Variants in CTNNA3 observed in about 807,000 individuals in gnomAD.
CTNNA3 encodes catenin alpha 3, also known as catenin alpha-3.
Under a neutral mutation model 95.7 loss-of-function variants are expected in CTNNA3, and 76 were observed. The ratio of observed to expected loss-of-function variants is 0.79; its 90% CI spans 0.66 to 0.96. CTNNA3 has a LOEUF of 0.96. CTNNA3 is among the 40% of genes least tolerant of loss of function. The pLI is 0.00. For missense variants in CTNNA3, 1,191 were observed against 1,089.8 expected (o/e 1.09, Z -1.31); for synonymous variants, 431 against 374.4 (o/e 1.15, Z -1.74).
At chr10:67,677,046 C>T (rs1840548597) in intron 1 of CTNNA3, among the ~76,000 whole-genome samples, 1 of 152,132 alleles carries the variant, frequency 6.6e-6, no homozygotes, top group Non-Finnish European at 1.5e-5. Context: ...TCCAGGTTTT[C>T]AGTCTTCTCC....
intron 1 of CTNNA3, among the ~76,000 whole-genome samples, chr10:67,654,138 A>G (rs1300063390): frequency 1.3e-5 from 2 of 152,220 alleles, no homozygotes; most frequent in Non-Finnish European, 2.9e-5. Flanking sequence ...TCAGGGACAC[A>G]GAGGTGAGCT....
At chr10:65,938,595 G>A (rs2133168832) in intron 17 of CTNNA3, among the ~76,000 whole-genome samples, 1 of 152,188 alleles carries the variant, frequency 6.6e-6, no homozygotes, top group African/African-American at 2.4e-5. Context: ...GTTCTTCCTG[G>A]ATCCCAGCCC....
chr10:65,923,988 C>T (rs1185639072), intron 17 of CTNNA3, among the ~76,000 whole-genome samples: 1 of 152,036 alleles, frequency 6.6e-6, no homozygotes, highest in African/African-American at 2.4e-5. Context: ...TAATCACAAA[C>T]AATGCCAATT....
At chr10:67,351,548 A>C (rs1338253756) in intron 5 of CTNNA3, among the ~76,000 whole-genome samples, 1 of 152,050 alleles carries the variant, frequency 6.6e-6, no homozygotes, top group Non-Finnish European at 1.5e-5. Context: ...TACAAGGCAT[A>C]AAACATGCCT....
At chr10:66,170,727 CAAA>C (rs34828048) in intron 13 of CTNNA3, among the ~76,000 whole-genome samples, 10 of 137,324 alleles carry the variant, frequency 7.3e-5, no homozygotes, top group Admixed American at 7.4e-5. Context: ...AATGTTTACC[CAAA>C]AAAAAAAAAA....
intron 13 of CTNNA3, among the ~76,000 whole-genome samples, chr10:66,157,654 T>C (rs1490208419): frequency 6.6e-6 from 1 of 152,026 alleles, no homozygotes; most frequent in African/African-American, 2.4e-5. Context: ...CTTTTTCGAA[T>C]AATGATTTCT....
intron 1 of CTNNA3, among the ~76,000 whole-genome samples, chr10:67,723,288 C>G (rs1342918548): frequency 1.4e-5 from 2 of 140,990 alleles, no homozygotes; most frequent in Non-Finnish European, 3.1e-5. Flanking sequence ...CACCTGGCCT[C>G]TTTTTTTTTT....
chr10:66,418,561 A>G (rs1230277075), intron 11 of CTNNA3, among the ~76,000 whole-genome samples: 2 of 150,222 alleles, frequency 1.3e-5, no homozygotes, highest in Admixed American at 6.6e-5. Flanking sequence ...ACAGGGACAC[A>G]CACACACACA....
At chr10:67,139,299 A>ATTTTT (rs60290459) in intron 7 of CTNNA3, among the ~76,000 whole-genome samples, 20 of 117,894 alleles carry the variant, frequency 1.7e-4, no homozygotes, top group South Asian at 2.9e-4. Context: ...CGCCCGGCTA[A>ATTTTT]TTTTTTTTTT....
chr10:66,024,280 G>A (rs553994025), intron 15 of CTNNA3, among the ~76,000 whole-genome samples: 2 of 151,894 alleles, frequency 1.3e-5, no homozygotes, highest in South Asian at 4.2e-4. Context: ...TAGTAGAGAC[G>A]GGGTTTCACC....
At chr10:66,690,748 G>A (rs1453209688) in intron 9 of CTNNA3, among the ~76,000 whole-genome samples, 3 of 151,888 alleles carry the variant, frequency 2.0e-5, no homozygotes, top group Non-Finnish European at 4.4e-5. Context: ...TTGGTTCCAA[G>A]TCTTTGCTAT....
chr10:67,573,718 C>T (rs80352091), intron 3 of CTNNA3, among the ~76,000 whole-genome samples: 3,788 of 151,740 alleles, frequency 0.025, 179 homozygotes, highest in African/African-American at 0.086. Flanking sequence ...CTCTCCCTCC[C>T]TCCCTTCCTC....
intron 15 of CTNNA3, among the ~76,000 whole-genome samples, chr10:66,052,259 T>G (rs969409360): frequency 1.3e-5 from 2 of 152,164 alleles, no homozygotes; most frequent in Non-Finnish European, 2.9e-5. Context: ...AGTGAAATCA[T>G]GCAGAAAGGA....
At chr10:65,973,726 G>A (rs893046195) in intron 16 of CTNNA3, among the ~76,000 whole-genome samples, 3 of 152,072 alleles carry the variant, frequency 2.0e-5, no homozygotes, top group African/African-American at 4.8e-5. Flanking sequence ...GGTGCACGAC[G>A]TGGGGAGAAC....
chr10:67,190,581 C>T (rs1904654), intron 6 of CTNNA3, among the ~76,000 whole-genome samples: 55,615 of 151,678 alleles, frequency 0.37, 14,592 homozygotes, highest in African/African-American at 0.75. Context: ...ATGGACCAAA[C>T]GTTTATTACT....
intron 7 of CTNNA3, among the ~76,000 whole-genome samples, chr10:66,959,743 C>T (rs1313532841): frequency 6.6e-6 from 1 of 152,152 alleles, no homozygotes; most frequent in Non-Finnish European, 1.5e-5. Flanking sequence ...TTTCTTAGCA[C>T]ACCTTTCTTT....
At chr10:66,543,639 A>C (rs961167150) in intron 10 of CTNNA3, among the ~76,000 whole-genome samples, 24 of 151,750 alleles carry the variant, frequency 1.6e-4, no homozygotes, top group Admixed American at 6.6e-4. Context: ...TGTATTTTTT[A>C]ATGAATTACA....
At chr10:66,219,494 CCT>C (rs2088783470) in intron 13 of CTNNA3, among the ~76,000 whole-genome samples, 1 of 151,932 alleles carries the variant, frequency 6.6e-6, no homozygotes, top group Admixed American at 6.6e-5. Context: ...CGTTTTGTTC[CCT>C]CTCTCTCTCA....
At chr10:66,029,279 G>A (rs758837441) in intron 15 of CTNNA3, among the ~76,000 whole-genome samples, 8 of 151,912 alleles carry the variant, frequency 5.3e-5, no homozygotes, top group Non-Finnish European at 1.0e-4. Context: ...CTCAACCCCC[G>A]AAATGCTCCC....
Sources: gnomAD v4.1 joint callset for allele counts (sites outside exome capture counted in the v4.1 genomes callset) on GRCh38, gnomAD v4.1.1 for gene constraint, MANE v1.5 for transcripts, NCBI Gene and HGNC (gene_info 2026-07-23, HGNC 2026-07-21) for gene names.